The following CLMN variants were observed in gnomAD, a reference collection of about 807,000 sequenced individuals.
CLMN encodes calmin, also known as calmin (calponin-like, transmembrane).
In CLMN, 57 loss-of-function variants were observed where a neutral mutation model predicts 92.7. The observed-to-expected ratio is 0.61, with a 90% CI of 0.50 to 0.77. The LOEUF (loss-of-function observed/expected upper bound fraction) is 0.77. Among genes scored for constraint, CLMN ranks in the 30% least tolerant of loss-of-function variants. The pLI is 0.00. For missense variants in CLMN, 1,158 were observed against 1,237.5 expected (o/e 0.94, Z 0.96); for synonymous variants, 466 against 470.6 (o/e 0.99, Z 0.13).
At chr14:95,241,102 C>A (rs1433994204) in intron 1 of CLMN, among the ~76,000 whole-genome samples, 1 of 152,050 alleles carries the variant, frequency 6.6e-6, no homozygotes, top group Non-Finnish European at 1.5e-5. Flanking sequence ...GAAAAACACA[C>A]AACCTCATAC....
rs980285446 is a variant in CLMN, at chr14:95,194,740, A to T, written c.2709-144T>A. On this transcript the variant is annotated intron_variant, in intron 10 of 12. Transcript: ENST00000298912. The surrounding 1 kb of genome is among the most constrained non-coding windows in gnomAD (Gnocchi z 4.0). ...GCCAGGGACAGAAATGACAGATTTT[A>T]TATCTAACATGCCTACTTTGGTTGG... is the stretch of plus-strand genomic sequence containing the variant. 2.8e-6 allele frequency: 2 copies of T among 706,268 alleles called. No homozygotes were observed. The highest frequency in any genetic ancestry group is 3.4e-5 in the South Asian group (2 of 59,052). The allele number at this position is 706,268 out of a possible 1,614,324, so 43.8% of individuals were successfully genotyped here. A position where few individuals can be genotyped will look rare whatever the true frequency, so the allele number is the denominator to read the frequency against.
In CLMN at chr14:95,203,175, T is replaced by A; in HGVS notation, c.2174A>T (p.Asp725Val). ...PLSKVSVIPH[D>V]LFYFPHYEVP... is the part of the protein sequence containing the mutation. ...CTCATAGTGTGGGAAATAGAAGAGG[T>A]CGTGGGGAATGACGGAAACCTTTGA... is the stretch of plus-strand genomic sequence containing the variant. The change falls in exon 9 of 13, where the codon GAC (aspartate) becomes GTC (valine). Residue 725 changes from aspartate to valine, a missense_variant. Coordinates refer to ENST00000298912, the MANE Select transcript of CLMN (RefSeq NM_024734.4). The A allele has an allele frequency of 1.2e-6, 2 of 1,612,468 alleles. No individual in the cohort carries two copies. The highest frequency in any genetic ancestry group is 1.7e-6 in the Non-Finnish European group (2 of 1,179,926).
intron 3 of CLMN, among the ~76,000 whole-genome samples, chr14:95,222,072 CAAT>C (rs1897560733): frequency 6.6e-6 from 1 of 152,070 alleles, no homozygotes; most frequent in African/African-American, 2.4e-5. Flanking sequence ...ACAAATTTGT[CAAT>C]TTTTTTCTCT....
In CLMN at chr14:95,210,829, G is replaced by A. The variant is rs1280192532; in HGVS notation, c.659C>T (p.Ala220Val). Residue 220 changes from alanine (A) to valine (V), a missense_variant, in exon 7 of 13, where the codon GCT becomes GTT. Ala to Val is a moderately conservative substitution (Grantham distance 64). Transcript: ENST00000298912. Reference sequence around the variant, plus strand: ...AATGGCCTTGATCACCGCCAGGAAAGCCAGCCCACTCCTCCAACTGCCCGC... The same window carrying A: ...AATGGCCTTGATCACCGCCAGGAAAACCAGCCCACTCCTCCAACTGCCCGC... The part of the protein sequence containing the change: ...DFAGSWRSGL[A>V]FLAVIKAIDP... The A allele has an allele frequency of 1.3e-6, 2 of 1,572,832 alleles. No individual in the cohort carries two copies. Among genetic ancestry groups the A allele is most frequent in the African/African-American group, 2.8e-5 (2 of 71,284 alleles).
At chr14:95,209,657 C>A (rs1287275966) in intron 7 of CLMN, among the ~76,000 whole-genome samples, 180 bp from the exon 8 acceptor site, 2 of 152,190 alleles carry the variant, frequency 1.3e-5, no homozygotes, top group Non-Finnish European at 2.9e-5. Context: ...TCACAGCTGG[C>A]TGATGAACAG....
In CLMN at chr14:95,289,502, TAAATAAACAAAC is replaced by T. The variant is rs1356755303; in HGVS notation, c.82+30197_82+30208del. The stretch of plus-strand genomic sequence containing the variant: ...ATAAATAAATAAATAAATAAATAAA[TAAATAAACAAAC>T]AAACAAACAAAAAAACCGTTGTTCT... On this transcript the variant is annotated intron_variant, in intron 1 of 12. Coordinates refer to ENST00000298912, the MANE Select transcript of CLMN (RefSeq NM_024734.4). 8.8e-3 allele frequency among the ~76,000 whole-genome samples: 819 copies of T among 92,994 alleles called. 5 individuals are homozygous for T. The highest frequency in any genetic ancestry group is 0.012 in the East Asian group (46 of 3,928). 61.0% of individuals were successfully genotyped at this position (92,994 alleles called of 152,430 possible).
At chr14:95,317,959 G>A (rs891861794) in intron 1 of CLMN, among the ~76,000 whole-genome samples, 28 of 152,014 alleles carry the variant, frequency 1.8e-4, no homozygotes, top group Non-Finnish European at 2.8e-4. Context: ...TGAGGGAGAG[G>A]AGCCTACTCA....
At chr14:95,224,574 C>A (rs1187740610) in intron 2 of CLMN, among the ~76,000 whole-genome samples, 1 of 152,164 alleles carries the variant, frequency 6.6e-6, no homozygotes, top group Non-Finnish European at 1.5e-5. Flanking sequence ...TGAGCCACTG[C>A]GCCCGGCCAC....
At chr14:95,300,121 G>A (rs144730190) in intron 1 of CLMN, among the ~76,000 whole-genome samples, 235 of 152,340 alleles carry the variant, frequency 1.5e-3, no homozygotes, top group African/African-American at 5.4e-3. Flanking sequence ...TGGCCCAGAT[G>A]CTCAGTGGGG....
chr14:95,233,937 G>A (rs1259557185), intron 1 of CLMN, among the ~76,000 whole-genome samples: 1 of 152,242 alleles, frequency 6.6e-6, no homozygotes, highest in Non-Finnish European at 1.5e-5. Flanking sequence ...AGGACCCCAG[G>A]GGACCCTGAG....
chr14:95,183,004 T>C lies in CLMN; in HGVS notation c.*8560A>G, dbSNP rs1896363401. On this transcript the variant is annotated 3_prime_UTR_variant, in exon 13 of 13. Transcript: ENST00000298912. The stretch of plus-strand genomic sequence containing the variant: ...CACTGCCCTAAGCTTTGGGCTGATA[T>C]ACAGAGGTACACTTGCTTTAAGCAA... 1 of 152,230 alleles carries C rather than the reference T, an allele frequency of 6.6e-6. No homozygotes were observed. The allele number at this position is 152,230 out of a possible 1,614,324, so 9.4% of individuals were successfully genotyped here.
At chr14:95,314,690 G>A (rs1352020681) in intron 1 of CLMN, among the ~76,000 whole-genome samples, 1 of 152,170 alleles carries the variant, frequency 6.6e-6, no homozygotes, top group Non-Finnish European at 1.5e-5. Context: ...GCTCCACCTG[G>A]AAAGGCCCCT....
At chr14:95,319,100 G>A (rs1901922506) in intron 1 of CLMN, among the ~76,000 whole-genome samples, 1 of 152,098 alleles carries the variant, frequency 6.6e-6, no homozygotes, top group Non-Finnish European at 1.5e-5. Flanking sequence ...GAAGGGTGGG[G>A]CTCTCGCCCT....
At chr14:95,289,060 C>G (rs948538189) in intron 1 of CLMN, among the ~76,000 whole-genome samples, 5 of 152,224 alleles carry the variant, frequency 3.3e-5, no homozygotes, top group African/African-American at 9.6e-5. Flanking sequence ...GGGAGGGGCA[C>G]AGAGAGAGCT....
chr14:95,279,311 T>C (rs1007203795), intron 1 of CLMN, among the ~76,000 whole-genome samples: 2 of 152,244 alleles, frequency 1.3e-5, no homozygotes, highest in Non-Finnish European at 2.9e-5. Flanking sequence ...TTAAATGCTT[T>C]AAGCTCTAAA....
chr14:95,309,330 G>A (rs1467363714), intron 1 of CLMN, among the ~76,000 whole-genome samples: 2 of 152,158 alleles, frequency 1.3e-5, no homozygotes, highest in African/African-American at 2.4e-5. Context: ...AACACAACCA[G>A]GACTCAGCTT....
In CLMN at chr14:95,250,814, T is replaced by A. The variant is rs377158755; in HGVS notation, c.83-20681A>T. On this transcript the variant is annotated intron_variant, in intron 1 of 12. Coordinates refer to ENST00000298912, the MANE Select transcript of CLMN (RefSeq NM_024734.4). ...GGACTAAGGCATAAACAAGGGCTCATGAATACTGTATATTGCTTGGGGCCT... is the reference window on the plus strand; with the variant it reads ...GGACTAAGGCATAAACAAGGGCTCAAGAATACTGTATATTGCTTGGGGCCT... 3.3e-5 allele frequency among the ~76,000 whole-genome samples: 5 copies of A among 152,170 alleles called. No individual in the cohort carries two copies. The East Asian group carries it at 5.8e-4, about 18-fold the overall frequency.
intron 1 of CLMN, among the ~76,000 whole-genome samples, chr14:95,298,154 C>A (rs1172517367): frequency 6.6e-6 from 1 of 152,180 alleles, no homozygotes; most frequent in Non-Finnish European, 1.5e-5. Context: ...CCCCACCCGG[C>A]TGCCACCATG....
intron 1 of CLMN, among the ~76,000 whole-genome samples, chr14:95,263,317 G>A (rs903935686): frequency 6.6e-6 from 1 of 152,120 alleles, no homozygotes. Flanking sequence ...ACTATCAGGA[G>A]AACAGCATGG....
Sources: gnomAD v4.1 joint callset for allele counts (sites outside exome capture counted in the v4.1 genomes callset) on GRCh38, gnomAD v4.1.1 for gene constraint, Gnocchi (gnomAD v3.1) non-coding constraint, MANE v1.5 for transcripts, NCBI Gene and HGNC (gene_info 2026-07-23, HGNC 2026-07-21) for gene names.